PAK5: variants seen among roughly 807,000 people sequenced by gnomAD.
The protein encoded by PAK5 is serine/threonine-protein kinase PAK 5.
In PAK5, 16 loss-of-function variants were observed where a neutral mutation model predicts 65.9. The observed-to-expected ratio is 0.24, with a 90% confidence interval of 0.16 to 0.37. The LOEUF is 0.37. Ranked by LOEUF, PAK5 falls within the 10% of genes least tolerant of loss-of-function variation. PAK5 has a pLI of 1.00. For synonymous variants in PAK5, 371 were observed against 354.9 expected (o/e 1.05, Z -0.51); for missense variants, 785 against 903.9 (o/e 0.87, Z 1.69).
chr20:9,806,375 C>G (rs757197288), intron 1 of PAK5, among the ~76,000 whole-genome samples: 2 of 152,122 alleles, frequency 1.3e-5, no homozygotes, highest in Non-Finnish European at 2.9e-5. Context: ...CCAGTTCCTG[C>G]ATCTTGAATT....
intron 4 of PAK5, among the ~76,000 whole-genome samples, chr20:9,579,416 G>A (rs1030380060): frequency 6.6e-6 from 1 of 152,182 alleles, no homozygotes; most frequent in Non-Finnish European, 1.5e-5. Flanking sequence ...TTTAGTTTCA[G>A]TAACTTCTCC....
intron 1 of PAK5, among the ~76,000 whole-genome samples, chr20:9,786,343 C>T (rs1479790289): frequency 1.3e-5 from 2 of 152,060 alleles, no homozygotes; most frequent in African/African-American, 4.8e-5. Context: ...AAGTGCTCAA[C>T]AAACATTTAC....
At chr20:9,672,002 C>G (rs2047505549) in intron 2 of PAK5, among the ~76,000 whole-genome samples, 1 of 151,916 alleles carries the variant, frequency 6.6e-6, no homozygotes, top group South Asian at 2.1e-4. Flanking sequence ...GAGCTTTGTT[C>G]CTAGTCTCTG....
Position 9,542,676 on chromosome 20 carries a change from A to C in PAK5, c.1914T>G (p.Asp638Glu). The change falls in exon 9 of 10, where the codon GAT (aspartate) becomes GAG (glutamate). Residue 638 changes from aspartate to glutamate, a missense_variant. Coordinates refer to ENST00000353224, the MANE Select transcript of PAK5 (RefSeq NM_177990.4). ...SLGIMVIEMIDGEPPYFNEPP... is the reference protein window; with the variant it reads ...SLGIMVIEMIEGEPPYFNEPP... ...GCTCATTGAAGTAGGGGGGCTCGCC[A>C]TCAATCATTTCTATCACCATGATCC... The C allele has an allele frequency of 6.2e-7, 1 of 1,613,990 alleles. No homozygotes were observed. The highest frequency in any genetic ancestry group is 8.5e-7 in the Non-Finnish European group (1 of 1,179,842).
At chr20:9,830,849 T>C (rs758932188) in intron 1 of PAK5, among the ~76,000 whole-genome samples, 10 of 152,242 alleles carry the variant, frequency 6.6e-5, no homozygotes, top group Non-Finnish European at 1.2e-4. Flanking sequence ...ATGTTTCCTA[T>C]GGGATGCAAA....
At chr20:9,787,987 G>GA (rs923230900) in intron 1 of PAK5, among the ~76,000 whole-genome samples, 1 of 151,384 alleles carries the variant, frequency 6.6e-6, no homozygotes, top group Non-Finnish European at 1.5e-5. Flanking sequence ...GTGTGTTGGG[G>GA]GGGGTATGTG....
At chr20:9,583,135 G>A (rs941376360) in intron 3 of PAK5, among the ~76,000 whole-genome samples, 3 of 152,082 alleles carry the variant, frequency 2.0e-5, no homozygotes, top group African/African-American at 4.8e-5. Context: ...ACAGAGCTCC[G>A]AAATAATATG....
intron 3 of PAK5, among the ~76,000 whole-genome samples, chr20:9,640,249 C>T (rs2047036308): frequency 8.2e-6 from 1 of 121,944 alleles, no homozygotes; most frequent in Non-Finnish European, 1.6e-5. Flanking sequence ...GTGTGATGTT[C>T]CCCTTCCTGT....
chr20:9,767,823 T>C (rs926260166), intron 1 of PAK5, among the ~76,000 whole-genome samples: 6 of 152,120 alleles, frequency 3.9e-5, no homozygotes, highest in Admixed American at 3.3e-4. Context: ...TTCTAAACAC[T>C]TCCATGATAA....
At chr20:9,740,148 T>TTAA (rs1300056822) in intron 1 of PAK5, among the ~76,000 whole-genome samples, 1 of 152,154 alleles carries the variant, frequency 6.6e-6, no homozygotes, top group Non-Finnish European at 1.5e-5. Context: ...CTACTGGACT[T>TTAA]TAACAGCAAA....
intron 2 of PAK5, among the ~76,000 whole-genome samples, chr20:9,667,921 ATAG>A (rs1420271224): frequency 9.2e-5 from 14 of 152,194 alleles, no homozygotes; most frequent in Non-Finnish European, 1.6e-4. Context: ...CACTTAAGTA[ATAG>A]TAGCTTGCCA....
intron 1 of PAK5, among the ~76,000 whole-genome samples, chr20:9,798,503 A>T (rs2049131716): frequency 6.6e-6 from 1 of 152,148 alleles, no homozygotes; most frequent in Non-Finnish European, 1.5e-5. Flanking sequence ...TGATAAGAAG[A>T]TGTCGGGAAT....
At chr20:9,767,463 T>G (rs1451657666) in intron 1 of PAK5, among the ~76,000 whole-genome samples, 1 of 152,184 alleles carries the variant, frequency 6.6e-6, no homozygotes, top group Non-Finnish European at 1.5e-5. Context: ...TTTTAGCACA[T>G]CTATGTGTCT....
At chr20:9,583,484 C>A (rs1295885862) in intron 3 of PAK5, among the ~76,000 whole-genome samples, 1 of 152,216 alleles carries the variant, frequency 6.6e-6, no homozygotes, top group African/African-American at 2.4e-5. Context: ...ATTCAAAGCA[C>A]TGTTTCCAAA....
At chr20:9,612,052 C>T (rs2046571365) in intron 3 of PAK5, among the ~76,000 whole-genome samples, 1 of 152,208 alleles carries the variant, frequency 6.6e-6, no homozygotes, top group Admixed American at 6.5e-5. Context: ...CTGCCACCCC[C>T]ATGCCCCTGA....
chr20:9,687,123 A>G (rs2047729712), intron 2 of PAK5, among the ~76,000 whole-genome samples: 1 of 152,192 alleles, frequency 6.6e-6, no homozygotes, highest in Non-Finnish European at 1.5e-5. Flanking sequence ...AGCCTATCTT[A>G]TGCCCAGGCT....
intron 9 of PAK5, among the ~76,000 whole-genome samples, chr20:9,541,809 C>T (rs1330047777): frequency 6.6e-6 from 1 of 152,062 alleles, no homozygotes; most frequent in Non-Finnish European, 1.5e-5. Context: ...GGCAGTTTAC[C>T]CCATGTTATT....
At chr20:9,830,651 T>C (rs1332422179) in intron 1 of PAK5, among the ~76,000 whole-genome samples, 1 of 152,222 alleles carries the variant, frequency 6.6e-6, no homozygotes, top group African/African-American at 2.4e-5. Context: ...AAATGGGACC[T>C]TTCTTTCAAA....
intron 2 of PAK5, among the ~76,000 whole-genome samples, chr20:9,684,014 A>C (rs1161143898): frequency 6.6e-6 from 1 of 152,190 alleles, no homozygotes; most frequent in African/African-American, 2.4e-5. Context: ...AGGAGAGTGG[A>C]ACAAAAGCCT....
Sources: gnomAD v4.1 joint callset for allele counts (sites outside exome capture counted in the v4.1 genomes callset) on GRCh38, gnomAD v4.1.1 for gene constraint, MANE v1.5 for transcripts, NCBI Gene and HGNC (gene_info 2026-07-23, HGNC 2026-07-21) for gene names.